Variants in KATNA1 observed in about 807,000 individuals in gnomAD.
KATNA1 encodes katanin p60 ATPase-containing subunit A1.
In KATNA1, 42 loss-of-function variants were observed where a neutral mutation model predicts 62.6. The ratio of observed to expected loss-of-function variants is 0.67; its 90% CI spans 0.52 to 0.87. KATNA1 has a LOEUF of 0.87. Among genes scored for constraint, KATNA1 ranks in the 40% least tolerant of loss-of-function variants. KATNA1 has a pLI of 0.00. For synonymous variants in KATNA1, 186 were observed against 201.9 expected, an observed-to-expected ratio of 0.92 and a Z score of 0.67; for missense variants, 498 against 612.5, an observed-to-expected ratio of 0.81 and a Z score of 1.97.
At chr6:149,625,960 T>A (rs562384753) in intron 3 of KATNA1, among the ~76,000 whole-genome samples, 57 of 150,434 alleles carry the variant, frequency 3.8e-4, no homozygotes, top group African/African-American at 1.0e-3. Context: ...CACTCCCAGA[T>A]GTGGAAAGTT....
At chr6:149,631,984 TTTTAGCAAA>T (rs1272453245) in intron 3 of KATNA1, among the ~76,000 whole-genome samples, 2 of 152,334 alleles carry the variant, frequency 1.3e-5, no homozygotes, top group South Asian at 2.1e-4. Flanking sequence ...ATTTTTTCAA[TTTTAGCAAA>T]TTTAGAAAAA....
intron 4 of KATNA1, among the ~76,000 whole-genome samples, chr6:149,618,234 T>G (rs1779255614): frequency 6.6e-6 from 1 of 150,406 alleles, no homozygotes; most frequent in African/African-American, 2.4e-5. Context: ...TCCCAGCACT[T>G]TGGGAGGTTG....
intron 2 of KATNA1, among the ~76,000 whole-genome samples, chr6:149,637,245 C>CTA (rs1009437864): frequency 2.6e-5 from 4 of 151,788 alleles, no homozygotes; most frequent in African/African-American, 9.7e-5. Context: ...GATCCCATCT[C>CTA]TACCAAAAAT....
At chr6:149,644,815 G>T (rs1016289623) in intron 1 of KATNA1, among the ~76,000 whole-genome samples, 2 of 151,980 alleles carry the variant, frequency 1.3e-5, no homozygotes, top group African/African-American at 4.8e-5. Flanking sequence ...CCAATGAATT[G>T]ATATTTTCTA....
rs904125618 is a variant in KATNA1, at chr6:149,622,822, C to T, written c.501+281G>A. ...GTAAAGAGTTCGAGACTAGCCTGGC[C>T]AACTTGCTGAAGCCCCATCTTTACT... On this transcript the variant is annotated intron_variant, in intron 4 of 10. Transcript: ENST00000367411. 9.6e-4 allele frequency among the ~76,000 whole-genome samples: 137 copies of T among 142,040 alleles called. 1 individual carries two copies. Among genetic ancestry groups the T allele is most frequent in the Non-Finnish European group, 1.2e-4 (8 of 65,854 alleles). 93.2% of individuals were successfully genotyped at this position (142,040 alleles called of 152,430 possible).
chr6:149,635,404 G>T (rs548520601), intron 2 of KATNA1, among the ~76,000 whole-genome samples: 2 of 152,342 alleles, frequency 1.3e-5, no homozygotes, highest in Non-Finnish European at 2.9e-5. Context: ...CCACTGAACT[G>T]TATACTTAAA....
intron 4 of KATNA1, among the ~76,000 whole-genome samples, chr6:149,606,436 C>A (rs374630505): frequency 6.6e-6 from 1 of 152,004 alleles, no homozygotes; most frequent in Non-Finnish European, 1.5e-5. Flanking sequence ...TTTTTTTGCA[C>A]GTAACATGAT....
At chr6:149,609,728 C>T (rs1050530459) in intron 4 of KATNA1, among the ~76,000 whole-genome samples, 2 of 138,594 alleles carry the variant, frequency 1.4e-5, no homozygotes, top group South Asian at 2.3e-4. Context: ...ACTTGAACCC[C>T]GGAGGCACAA....
chr6:149,605,347 C>T (rs994199613), intron 4 of KATNA1, among the ~76,000 whole-genome samples: 10 of 152,000 alleles, frequency 6.6e-5, no homozygotes, highest in African/African-American at 1.9e-4. Flanking sequence ...TAAATGTGGT[C>T]GCAAGTGAAT....
intron 1 of KATNA1, 169 bp from the exon 2 acceptor site, chr6:149,638,729 T>C (rs201132991): frequency 1.6e-5 from 4 of 256,724 alleles, no homozygotes; most frequent in Non-Finnish European, 2.7e-5. Flanking sequence ...AAAAAAACAT[T>C]GTTTTTTTTT....
At chr6:149,640,416 C>T (rs62439811) in intron 1 of KATNA1, among the ~76,000 whole-genome samples, 52,180 of 151,624 alleles carry the variant, frequency 0.34, 10,608 homozygotes, top group East Asian at 0.81. Flanking sequence ...CGAGATAGTG[C>T]CACTGTACTC....
Position 149,623,141 on chromosome 6 carries a change from G to C in KATNA1, c.463C>G (p.Arg155Gly), listed in dbSNP as rs745424629. The C allele has an allele frequency of 6.2e-7, 1 of 1,605,596 alleles. No individual in the cohort carries two copies. Among genetic ancestry groups the C allele is most frequent in the East Asian group, 2.2e-5 (1 of 44,772 alleles). The change falls in exon 4 of 11, where the codon CGT (arginine) becomes GGT (glycine). Residue 155 changes from arginine to glycine, a missense_variant. By Grantham distance (125) the Arg-to-Gly change is moderately radical. Around this residue, in one of 3 missense-constraint regions of KATNA1, gnomAD observed 203 missense variants for 198.4 expected, o/e 1.02. Transcript: ENST00000367411. ...HNDRGKAVRC[R>G]EKKEQNKGRE... ...CCTTTATTCTGTTCTTTCTTTTCAC[G>C]ACAACGAACAGCTTTCCCTCTGTCA...
At chr6:149,625,945 A>C (rs943756863) in intron 3 of KATNA1, among the ~76,000 whole-genome samples, 1 of 142,036 alleles carries the variant, frequency 7.0e-6, no homozygotes, top group Middle Eastern at 3.3e-3. Flanking sequence ...AAAAAAAAAA[A>C]AAGACACTCC....
At chr6:149,643,412 T>C (rs1251853692) in intron 1 of KATNA1, among the ~76,000 whole-genome samples, 1 of 152,224 alleles carries the variant, frequency 6.6e-6, no homozygotes, top group Non-Finnish European at 1.5e-5. Flanking sequence ...AGTTTTGGGA[T>C]AATCTGTTAT....
intron 3 of KATNA1, among the ~76,000 whole-genome samples, chr6:149,631,222 AC>A (rs917283578): frequency 2.8e-4 from 42 of 152,098 alleles, no homozygotes; most frequent in African/African-American, 1.0e-3. Flanking sequence ...ACATGTTGAA[AC>A]CCTGTCTCTA....
chr6:149,603,527 C>G (rs1159388823), intron 5 of KATNA1, among the ~76,000 whole-genome samples, 154 bp from the exon 6 acceptor site: 1 of 152,132 alleles, frequency 6.6e-6, no homozygotes, highest in Non-Finnish European at 1.5e-5. Context: ...TGATGAGGCC[C>G]ACCATGTCAA....
chr6:149,595,231 A>G lies in KATNA1; in HGVS notation c.1281T>C (p.Asp427=). The part of the protein sequence containing the change: ...SGADITNVCR[D]ASLMAMRRRI... ...GCCTTCTCATTGCCATCAAGGACGC[A>G]TCCCTAGGTTTTAAGTTAAAAACAA... is the stretch of plus-strand genomic sequence containing the variant. Residue 427 remains aspartate, a synonymous_variant, in exon 11 of 11, where the codon GAT becomes GAC. Coordinates refer to ENST00000367411, the MANE Select transcript of KATNA1 (RefSeq NM_007044.4). 6.2e-7 allele frequency: 1 copy of G among 1,611,920 alleles called. No homozygotes were observed. The highest frequency in any genetic ancestry group is 8.5e-7 in the Non-Finnish European group (1 of 1,178,442).
In KATNA1 at chr6:149,597,065, G is replaced by A; in HGVS notation, c.1275C>T (p.Cys425=). 6.2e-7 allele frequency: 1 copy of A among 1,613,578 alleles called. No individual in the cohort carries two copies. Among genetic ancestry groups the A allele is most frequent in the Non-Finnish European group, 8.5e-7 (1 of 1,179,812 alleles). ...TATGCTTCCATGATAATTCATACCT[G>A]CACACGTTGGTAATGTCCGCACCTG... ...GYSGADITNV[C]RDASLMAMRR... Residue 425 remains cysteine (C), a splice_region_variant and synonymous_variant, in exon 10 of 11, where the codon TGC becomes TGT. Transcript: ENST00000367411.
Position 149,619,296 on chromosome 6 carries a change from C to T in KATNA1, c.501+3807G>A, listed in dbSNP as rs560302756. On this transcript the variant is annotated intron_variant, in intron 4 of 10. Coordinates refer to ENST00000367411, the MANE Select transcript of KATNA1 (RefSeq NM_007044.4). The stretch of plus-strand genomic sequence containing the variant: ...AACCACCATGAGATACCATCTTGCC[C>T]TAATTAGGATGGGTGTAAGCAAAAA... Among the ~76,000 whole-genome samples the T allele has an allele frequency of 5.9e-5, 9 of 152,106 alleles. No homozygotes were observed. In the South Asian group the frequency reaches 1.0e-3, roughly 18 times the overall value.
Sources: allele counts gnomAD v4.1 joint callset (sites outside exome capture counted in the v4.1 genomes callset), GRCh38; gene constraint gnomAD v4.1.1; regional missense constraint gnomAD v4.1.1; transcripts MANE v1.5; gene names NCBI Gene and HGNC (gene_info 2026-07-23, HGNC 2026-07-21).